The following GANC variants were observed in gnomAD, a reference collection of about 807,000 sequenced individuals.
GANC encodes glucosidase alpha, neutral C, also known as neutral alpha-glucosidase C.
GANC carries 117 observed loss-of-function variants against 124.2 expected under a neutral mutation model. The ratio of observed to expected loss-of-function variants is 0.94; its 90% CI spans 0.81 to 1.10. GANC has a LOEUF of 1.10. Among genes scored for constraint, GANC ranks in the 50% least tolerant of loss-of-function variants. GANC has a pLI of 0.00. For synonymous variants in GANC, 377 were observed against 376.8 expected, an observed-to-expected ratio of 1.00 and a Z score of -0.01; for missense variants, 1,140 against 1,095.0, an observed-to-expected ratio of 1.04 and a Z score of -0.58.
chr15:42,289,858 G>A (rs569278664), intron 4 of GANC, among the ~76,000 whole-genome samples: 70 of 152,262 alleles, frequency 4.6e-4, no homozygotes, highest in African/African-American at 1.6e-3. Context: ...GATTAGGGTA[G>A]GCTCTAATCC....
At chr15:42,343,781 C>T (rs745949969) in intron 19 of GANC, among the ~76,000 whole-genome samples, 2 of 152,130 alleles carry the variant, frequency 1.3e-5, no homozygotes, top group Non-Finnish European at 2.9e-5. Context: ...ATAAGAGCAG[C>T]CTTCAGAGAC....
chr15:42,310,837 C>T lies in GANC; in HGVS notation c.1048C>T (p.His350Tyr). The T allele has an allele frequency of 1.2e-6, 2 of 1,613,096 alleles. No individual in the cohort carries two copies. Among genetic ancestry groups the T allele is most frequent in the Non-Finnish European group, 8.5e-7 (1 of 1,179,072 alleles). The change falls in exon 10 of 24, where the codon CAC becomes TAC. Residue 350 changes from histidine (H) to tyrosine (Y), a missense_variant. Coordinates refer to ENST00000318010, the MANE Select transcript of GANC (RefSeq NM_198141.3). ...TTCTGATGTCTTCAAACAGTACTCACACCTTACAGGTATTTGCACGAAGAA... is the reference window on the plus strand; with the variant it reads ...TTCTGATGTCTTCAAACAGTACTCATACCTTACAGGTATTTGCACGAAGAA... ...TPSDVFKQYS[H>Y]LTGTQAMPPL...
chr15:42,290,865 TA>T (rs2141025505), intron 4 of GANC, among the ~76,000 whole-genome samples: 1 of 152,208 alleles, frequency 6.6e-6, no homozygotes, highest in East Asian at 1.9e-4. Flanking sequence ...AAGAGTTGGG[TA>T]ATTCTAAATA....
chr15:42,342,599 A>G (rs1332099331), intron 18 of GANC, among the ~76,000 whole-genome samples: 1 of 151,900 alleles, frequency 6.6e-6, no homozygotes, highest in Non-Finnish European at 1.5e-5. Flanking sequence ...TAAGGAAAAA[A>G]AAAAAGAAAA....
chr15:42,302,285 A>T (rs752674796), intron 6 of GANC, among the ~76,000 whole-genome samples: 1 of 152,248 alleles, frequency 6.6e-6, no homozygotes, highest in African/African-American at 2.4e-5. Flanking sequence ...ACGAAAACTA[A>T]CACGGAAAGG....
intron 20 of GANC, among the ~76,000 whole-genome samples, chr15:42,347,091 TG>T (rs2052371875): frequency 6.6e-6 from 1 of 151,574 alleles, no homozygotes; most frequent in South Asian, 2.1e-4. Flanking sequence ...GTGGCAGAAT[TG>T]AGACAAGCCC....
Position 42,310,418 on chromosome 15 carries a change from T to C in GANC, c.858T>C (p.Asn286=). 1 of 1,613,718 alleles carries C rather than the reference T, an allele frequency of 6.2e-7. No homozygotes were observed. Residue 286 remains asparagine (N), a synonymous_variant, in exon 9 of 24, where the codon AAT becomes AAC. Coordinates refer to ENST00000318010, the MANE Select transcript of GANC (RefSeq NM_198141.3). The part of the protein sequence containing the change: ...LGRTIGIFWL[N]ASETLVEINT... ...GAACTATAGGTATTTTCTGGCTGAA[T>C]GCCTCGGAAACACTGGTGGAGATCA... is the stretch of plus-strand genomic sequence containing the variant.
In GANC at chr15:42,310,748, C is replaced by G; in HGVS notation, c.959C>G (p.Thr320Ser). The change falls in exon 10 of 24, where the codon ACT becomes AGT. Residue 320 changes from threonine to serine, a missense_variant. Physicochemically the swap from Thr to Ser is moderately conservative, Grantham distance 58. Transcript: ENST00000318010. ...GCTAAACAAAAGGTCAGATCTCGCA[C>G]TCATGTGCACTGGATGTCAGAGAGT... Reference protein sequence around the residue: ...VAAKQKVRSRTHVHWMSESGI... With the variant: ...VAAKQKVRSRSHVHWMSESGI... The G allele has an allele frequency of 2.5e-6, 4 of 1,614,124 alleles. No homozygotes were observed. The highest frequency in any genetic ancestry group is 3.4e-6 in the Non-Finnish European group (4 of 1,179,980).
chr15:42,277,425 G>A (rs1028162152), intron 2 of GANC, among the ~76,000 whole-genome samples: 1 of 151,562 alleles, frequency 6.6e-6, no homozygotes, highest in East Asian at 2.0e-4. Flanking sequence ...AGCTACTTGG[G>A]AGGCTGAGGC....
intron 14 of GANC, 195 bp downstream of exon 14, chr15:42,329,644 A>T: frequency 6.5e-6 from 3 of 461,108 alleles, no homozygotes; most frequent in Non-Finnish European, 7.5e-6. Context: ...TTTTCTTTTC[A>T]TGATGAACTT....
At chr15:42,323,444 C>T (rs1248777164) in intron 11 of GANC, among the ~76,000 whole-genome samples, 1 of 152,122 alleles carries the variant, frequency 6.6e-6, no homozygotes, top group Non-Finnish European at 1.5e-5. Flanking sequence ...AAGATTGTAT[C>T]CTCAAGACTT....
At chr15:42,347,641 C>G (rs1164930943) in intron 20 of GANC, among the ~76,000 whole-genome samples, 1 of 152,134 alleles carries the variant, frequency 6.6e-6, no homozygotes, top group Non-Finnish European at 1.5e-5. Context: ...CTGTCCAAAC[C>G]AAGAAACCAC....
chr15:42,349,583 T>A, intron 22 of GANC, 88 bp downstream of exon 22: 1 of 777,520 alleles, frequency 1.3e-6, no homozygotes, highest in Non-Finnish European at 2.2e-6. Context: ...AGGTATGTTT[T>A]AAGTTACTAT....
In GANC at chr15:42,352,448, C is replaced by A; in HGVS notation, c.*309C>A. The stretch of plus-strand genomic sequence containing the variant: ...ATTCCTTCAGCAGGGCTGCGTGGGT[C>A]TGTTTTAACGTGGGCCAAGCCTACC... On this transcript the variant is annotated 3_prime_UTR_variant, in exon 24 of 24. Coordinates refer to ENST00000318010, the MANE Select transcript of GANC (RefSeq NM_198141.3). 3 of 1,099,556 alleles carry A rather than the reference C, an allele frequency of 2.7e-6. No individual in the cohort carries two copies. In the South Asian group the frequency reaches 7.8e-5, roughly 29 times the overall value. The allele number at this position is 1,099,556 out of a possible 1,614,324, so 68.1% of individuals were successfully genotyped here.
chr15:42,352,530 G>A lies in GANC; in HGVS notation c.*391G>A, dbSNP rs1288507619. 3.9e-6 allele frequency: 4 copies of A among 1,032,026 alleles called. No homozygotes were observed. Among genetic ancestry groups the A allele is most frequent in the Non-Finnish European group, 4.7e-6 (4 of 857,196 alleles). 63.9% of individuals were successfully genotyped at this position (1,032,026 alleles called of 1,614,324 possible). On this transcript the variant is annotated 3_prime_UTR_variant, in exon 24 of 24. Transcript: ENST00000318010. ...GCCATGCAGCATTGGCGCTCTGGCT[G>A]CAGCAGCTGAGTTGCTCAAGGCCAG...
intron 11 of GANC, among the ~76,000 whole-genome samples, chr15:42,322,744 G>A (rs1659223): frequency 0.97 from 147,643 of 152,290 alleles, 71,687 homozygotes; most frequent in Non-Finnish European, 1. Flanking sequence ...AGAAAAGAAC[G>A]GAAATAGAAA....
chr15:42,293,528 C>CTTTTTTTTTTTTTTTTTT (rs1566951280), intron 5 of GANC, among the ~76,000 whole-genome samples: 6 of 151,810 alleles, frequency 4.0e-5, no homozygotes, highest in African/African-American at 1.2e-4. Flanking sequence ...CAACTCATTT[C>CTTTTTTTTTTTTTTTTTT]TGTTTTAAAA....
At chr15:42,347,193 A>G (rs1329551720) in intron 20 of GANC, among the ~76,000 whole-genome samples, 3 of 122,992 alleles carry the variant, frequency 2.4e-5, no homozygotes, top group Admixed American at 7.7e-5. Context: ...AAAAAAAAAG[A>G]AGAGAGAGAT....
chr15:42,294,296 G>A (rs760407352), intron 5 of GANC, among the ~76,000 whole-genome samples: 2 of 151,358 alleles, frequency 1.3e-5, no homozygotes, highest in East Asian at 1.9e-4. Context: ...TGTTCTGGTC[G>A]GGTGTGGTGG....
Sources: gnomAD v4.1 joint callset for allele counts (sites outside exome capture counted in the v4.1 genomes callset) on GRCh38, gnomAD v4.1.1 for gene constraint, MANE v1.5 for transcripts, NCBI Gene and HGNC (gene_info 2026-07-23, HGNC 2026-07-21) for gene names.